The following FANCI variants were observed in gnomAD, a reference collection of about 807,000 sequenced individuals.
FANCI encodes the protein Fanconi anemia group I protein.
FANCI carries 156 observed loss-of-function variants against 176.1 expected under a neutral mutation model. The ratio of observed to expected loss-of-function variants is 0.89; its 90% CI spans 0.78 to 1.01. The LOEUF is 1.01. FANCI is among the 50% of genes least tolerant of loss of function. The pLI, the probability that FANCI is intolerant of heterozygous loss-of-function variation, is 0.00. For missense variants in FANCI, 1,678 were observed against 1,534.1 expected, an observed-to-expected ratio of 1.09 and a Z score of -1.57; for synonymous variants, 613 against 541.7, an observed-to-expected ratio of 1.13 and a Z score of -1.83.
chr15:89,303,938 C>G (rs1400428502), intron 28 of FANCI, 23 bp downstream of exon 28: 5 of 1,611,040 alleles, frequency 3.1e-6, no homozygotes, highest in Non-Finnish European at 4.2e-6. Context: ...CCATGTTTTC[C>G]TAAAGGCTTT....
At chr15:89,309,549 G>A (rs2054872678) in intron 34 of FANCI, among the ~76,000 whole-genome samples, 1 of 152,048 alleles carries the variant, frequency 6.6e-6, no homozygotes. Context: ...GGGCAACATA[G>A]TGAGACCCCG....
Position 89,305,956 on chromosome 15 carries a change from TA to T in FANCI, c.3350-49del, listed in dbSNP as rs749204299. 30 of 1,587,930 alleles carry T rather than the reference TA, an allele frequency of 1.9e-5. 2 individuals carry two copies. The South Asian group carries it at 3.3e-4, about 18-fold the overall frequency. ...TCAATTTCTAAATCTCCTTTACTCTTAATTAGAAAACGAAGTTGGGTTTGAA... is the reference window on the plus strand; with the variant it reads ...TCAATTTCTAAATCTCCTTTACTCTTATTAGAAAACGAAGTTGGGTTTGAA... On this transcript the variant is annotated intron_variant, in intron 31 of 37. Coordinates refer to ENST00000310775, the MANE Select transcript of FANCI (RefSeq NM_001113378.2).
intron 24 of FANCI, among the ~76,000 whole-genome samples, chr15:89,298,268 A>G (rs189591773): frequency 5.3e-5 from 8 of 152,318 alleles, no homozygotes; most frequent in Non-Finnish European, 1.0e-4. Context: ...GGGCCATAAA[A>G]CTCAGCAAAT....
intron 12 of FANCI, among the ~76,000 whole-genome samples, chr15:89,274,762 G>A (rs1307946356): frequency 1.3e-5 from 2 of 151,578 alleles, no homozygotes; most frequent in African/African-American, 4.8e-5. Flanking sequence ...GCTCCACCAT[G>A]CCCAAGTAAT....
At chr15:89,273,980 C>T (rs568007947) in intron 11 of FANCI, among the ~76,000 whole-genome samples, 188 bp from the exon 12 acceptor site, 1 of 152,194 alleles carries the variant, frequency 6.6e-6, no homozygotes, top group South Asian at 2.1e-4. Flanking sequence ...TTTGTAACAT[C>T]TTCATCTAGT....
rs1337551684 is a variant in FANCI, at chr15:89,276,719, G to T, written c.1121G>T (p.Ser374Ile). The T allele has an allele frequency of 1.2e-6, 2 of 1,614,038 alleles. No individual in the cohort carries two copies. The highest frequency in any genetic ancestry group is 1.7e-5 in the Admixed American group (1 of 60,004). The change falls in exon 13 of 38, where the codon AGC becomes ATC. Residue 374 changes from serine to isoleucine, a missense_variant. Coordinates refer to ENST00000310775, the MANE Select transcript of FANCI (RefSeq NM_001113378.2). The stretch of plus-strand genomic sequence containing the variant: ...GCTTTGTGTTCTTGTAGCGTTCATA[G>T]CTGGGACCATGTTACTCAGGGCCTC... ...ILEVVKNSVH[S>I]WDHVTQGLVE...
At chr15:89,274,694 TC>T (rs780790338) in intron 12 of FANCI, among the ~76,000 whole-genome samples, 13 of 140,584 alleles carry the variant, frequency 9.2e-5, no homozygotes, top group Non-Finnish European at 1.4e-4. Flanking sequence ...ACCCTTGACC[TC>T]CTGGGCTCAA....
intron 10 of FANCI, 60 bp downstream of exon 10, chr15:89,268,585 G>C: frequency 6.2e-7 from 1 of 1,603,772 alleles, no homozygotes; most frequent in South Asian, 1.1e-5. Context: ...TTGAACTTAA[G>C]CCACTGTTAT....
rs139136349 is a variant in FANCI at position 89,269,690 on chromosome 15, G to A, written c.882+1165G>A. On this transcript the variant is annotated intron_variant, in intron 10 of 37. Coordinates refer to ENST00000310775, the MANE Select transcript of FANCI (RefSeq NM_001113378.2). ...TTCTGTCACAACTACTCAGCTTTACGGTTCCAGCAAGAAGGCAGCCATAGA... is the reference window on the plus strand; with the variant it reads ...TTCTGTCACAACTACTCAGCTTTACAGTTCCAGCAAGAAGGCAGCCATAGA... Among the ~76,000 whole-genome samples, 30 of 152,252 alleles carry A rather than the reference G, an allele frequency of 2.0e-4. 1 individual carries two copies. The South Asian group carries it at 5.4e-3, about 27-fold the overall frequency.
chr15:89,315,244 G>A lies in FANCI; in HGVS notation c.3817-38G>A, dbSNP rs764409648. 106 of 1,469,060 alleles carry A rather than the reference G, an allele frequency of 7.2e-5. 1 individual carries two copies. In the South Asian group the frequency reaches 1.1e-3, roughly 16 times the overall value. The allele number at this position is 1,469,060 out of a possible 1,614,324, so 91.0% of individuals were successfully genotyped here. Reference sequence around the variant, plus strand: ...CTTAAGCTGTTCTGGCAGGACCTATGAGTAGGGAGATGTCCCATGCTTACA... The same window carrying A: ...CTTAAGCTGTTCTGGCAGGACCTATAAGTAGGGAGATGTCCCATGCTTACA... On this transcript the variant is annotated intron_variant, in intron 36 of 37. Coordinates refer to ENST00000310775, the MANE Select transcript of FANCI (RefSeq NM_001113378.2).
intron 2 of FANCI, among the ~76,000 whole-genome samples, chr15:89,256,417 A>G (rs765287052): frequency 1.6e-4 from 25 of 152,196 alleles, no homozygotes; most frequent in Non-Finnish European, 3.1e-4. Flanking sequence ...TCTTTATTAT[A>G]TATTTAATAG....
chr15:89,293,721 G>A (rs891679046), intron 22 of FANCI, 112 bp from the exon 23 acceptor site: 3 of 1,052,438 alleles, frequency 2.9e-6, no homozygotes, highest in African/African-American at 1.6e-5. Flanking sequence ...CATTTATAAT[G>A]TTACGTCTAA....
chr15:89,299,643 GA>G (rs2054453239), intron 24 of FANCI, among the ~76,000 whole-genome samples, 156 bp from the exon 25 acceptor site: 1 of 152,204 alleles, frequency 6.6e-6, no homozygotes, highest in Non-Finnish European at 1.5e-5. Context: ...GGAACTTTTA[GA>G]GTGATAGAAA....
rs1415595210 is a variant in FANCI at position 89,294,901 on chromosome 15, C to T, written c.2457-14C>T. ...AATCTTCCTTTTTCTTTCTCTCTCT[C>T]TGTCTCTCTCTAGGGATAGTATCCA... is the stretch of plus-strand genomic sequence containing the variant. On this transcript the variant is annotated splice_polypyrimidine_tract_variant and intron_variant, in intron 23 of 37. Coordinates refer to ENST00000310775, the MANE Select transcript of FANCI (RefSeq NM_001113378.2). The T allele has an allele frequency of 4.5e-6, 7 of 1,549,172 alleles. No individual in the cohort carries two copies. The highest frequency in any genetic ancestry group is 4.4e-6 in the Non-Finnish European group (5 of 1,146,302).
rs554943787 is a variant in FANCI at position 89,283,202 on chromosome 15, A to G, written c.1650A>G (p.Leu550=). The change falls in exon 17 of 38, where the codon TTA becomes TTG. Residue 550 remains leucine, a synonymous_variant. Coordinates refer to ENST00000310775, the MANE Select transcript of FANCI (RefSeq NM_001113378.2). The stretch of plus-strand genomic sequence containing the variant: ...TGCTCCTGAAGAACTTTAAAGTTTT[A>G]GGCAGCCTGTCATCCTCTCAGTGCA... ...FLLLLKNFKV[L]GSLSSSQCSQ... is the part of the protein sequence containing the mutation. 1.2e-6 allele frequency: 2 copies of G among 1,614,194 alleles called. No homozygotes were observed. The highest frequency in any genetic ancestry group is 4.5e-5 in the East Asian group (2 of 44,878).
chr15:89,291,521 C>T (rs935650037), intron 19 of FANCI, 92 bp from the exon 20 acceptor site: 8 of 954,292 alleles, frequency 8.4e-6, no homozygotes, highest in African/African-American at 3.2e-5. Flanking sequence ...TGTTAGAAGG[C>T]ATTAGACATT....
chr15:89,292,966 A>G lies in FANCI; in HGVS notation c.2194A>G (p.Ser732Gly), dbSNP rs781647847. Reference protein sequence around the residue: ...ELDKSADFSQSTSIGIKNNIC... With the variant: ...ELDKSADFSQGTSIGIKNNIC... ...GGATAAATCAGCAGATTTTTCTCAG[A>G]GCACCAGTATTGGCATAAAAAATAA... The change falls in exon 22 of 38, where the codon AGC (serine) becomes GGC (glycine). Residue 732 changes from serine to glycine, a missense_variant. Physicochemically the swap from Ser to Gly is moderately conservative, Grantham distance 56 (BLOSUM62 0). Coordinates refer to ENST00000310775, the MANE Select transcript of FANCI (RefSeq NM_001113378.2). 1 of 1,614,006 alleles carries G rather than the reference A, an allele frequency of 6.2e-7. No individual in the cohort carries two copies. Among genetic ancestry groups the G allele is most frequent in the Non-Finnish European group, 8.5e-7 (1 of 1,180,016 alleles).
At chr15:89,263,851 A>T in intron 7 of FANCI, 52 bp from the exon 8 acceptor site, 2 of 1,611,624 alleles carry the variant, frequency 1.2e-6, no homozygotes, top group East Asian at 2.2e-5. Flanking sequence ...TGAATTTCTG[A>T]AAACAAGGCA....
At chr15:89,268,972 A>C (rs983664073) in intron 10 of FANCI, among the ~76,000 whole-genome samples, 2 of 152,208 alleles carry the variant, frequency 1.3e-5, no homozygotes, top group African/African-American at 4.8e-5. Context: ...GTCATTCATC[A>C]TGAAGTATTT....
Sources: gnomAD v4.1 joint callset for allele counts (sites outside exome capture counted in the v4.1 genomes callset) on GRCh38, gnomAD v4.1.1 for gene constraint, MANE v1.5 for transcripts, NCBI Gene and HGNC (gene_info 2026-07-23, HGNC 2026-07-21) for gene names.